The following SYNPR variants were observed in gnomAD, a reference collection of about 807,000 sequenced individuals.
SYNPR encodes synaptoporin.
A neutral mutation model predicts 32.9 loss-of-function variants in SYNPR; 23 were observed. The observed-to-expected ratio is 0.70, with a 90% CI of 0.50 to 0.99. SYNPR has a LOEUF of 0.99. SYNPR is among the 50% of genes least tolerant of loss of function. SYNPR has a pLI of 0.00. For synonymous variants in SYNPR, 146 were observed against 135.9 expected, an observed-to-expected ratio of 1.07 and a Z score of -0.52; for missense variants, 318 against 349.3, an observed-to-expected ratio of 0.91 and a Z score of 0.71.
At chr3:63,313,617 C>T (rs1469486643) in intron 2 of SYNPR, among the ~76,000 whole-genome samples, 1 of 139,868 alleles carries the variant, frequency 7.1e-6, no homozygotes, top group Non-Finnish European at 1.5e-5. Context: ...TGTATACACA[C>T]ACATATACAC....
At chr3:63,553,450 A>G (rs1481014973) in intron 3 of SYNPR, among the ~76,000 whole-genome samples, 2 of 152,186 alleles carry the variant, frequency 1.3e-5, no homozygotes, top group Non-Finnish European at 2.9e-5. Context: ...CTTTGGGTAT[A>G]TACCCAGTAC....
At chr3:63,331,742 T>A (rs1222558083) in intron 2 of SYNPR, among the ~76,000 whole-genome samples, 1 of 152,182 alleles carries the variant, frequency 6.6e-6, no homozygotes, top group African/African-American at 2.4e-5. Context: ...CCACTTTCTT[T>A]ATGAGGAAAT....
At chr3:63,498,892 T>C (rs1458516003) in intron 3 of SYNPR, among the ~76,000 whole-genome samples, 1 of 147,928 alleles carries the variant, frequency 6.8e-6, no homozygotes, top group Non-Finnish European at 1.5e-5. Flanking sequence ...AGCAGGAGGA[T>C]CGCTTGTGCC....
chr3:63,306,444 G>A (rs2086911740), intron 2 of SYNPR, among the ~76,000 whole-genome samples: 1 of 151,730 alleles, frequency 6.6e-6, no homozygotes, highest in Non-Finnish European at 1.5e-5. Context: ...CTTCTTTTCT[G>A]ACAGCTCTTT....
At chr3:63,604,512 C>T (rs528407958) in intron 4 of SYNPR, among the ~76,000 whole-genome samples, 39 of 152,140 alleles carry the variant, frequency 2.6e-4, no homozygotes, top group Admixed American at 1.8e-3. Flanking sequence ...ACACTGCTTT[C>T]GCTGTGTCCC....
chr3:63,350,547 C>A (rs982705309), intron 2 of SYNPR, among the ~76,000 whole-genome samples: 2 of 152,178 alleles, frequency 1.3e-5, no homozygotes, highest in Non-Finnish European at 2.9e-5. Context: ...TGCATATGCA[C>A]ACATGCACTT....
At chr3:63,573,818 A>G (rs1285258149) in intron 4 of SYNPR, among the ~76,000 whole-genome samples, 1 of 152,204 alleles carries the variant, frequency 6.6e-6, no homozygotes, top group Non-Finnish European at 1.5e-5. Context: ...CATCATTTAC[A>G]TAAATACAAA....
intron 3 of SYNPR, chr3:63,550,079 A>G (rs1351989739): frequency 6.6e-6 from 1 of 152,108 alleles, no homozygotes; most frequent in Non-Finnish European, 1.5e-5. Flanking sequence ...CTGTTTAGAA[A>G]GGTTTTTCCT....
chr3:63,362,368 G>A (rs1467968816), intron 2 of SYNPR, among the ~76,000 whole-genome samples: 2 of 152,154 alleles, frequency 1.3e-5, no homozygotes, highest in African/African-American at 4.8e-5. Flanking sequence ...CAAACAGGAA[G>A]TTTTAACTGT....
At chr3:63,537,645 T>A (rs11915145) in intron 3 of SYNPR, among the ~76,000 whole-genome samples, 1 of 151,852 alleles carries the variant, frequency 6.6e-6, no homozygotes, top group African/African-American at 2.4e-5. Flanking sequence ...CAAAATAATA[T>A]CTTCTGGTGG....
chr3:63,377,350 T>A (rs2087908087), intron 2 of SYNPR, among the ~76,000 whole-genome samples: 3 of 152,148 alleles, frequency 2.0e-5, no homozygotes, highest in African/African-American at 7.2e-5. Flanking sequence ...GTTCTAGGTT[T>A]AAGAGGTACT....
At position 63,419,928 on chromosome 3, in the gene SYNPR, C is replaced by T. The variant is rs966307982; in HGVS notation, c.85-60904C>T. On this transcript the variant is annotated intron_variant, in intron 2 of 5. Transcript: ENST00000478300. ...TATTTGGTGAAGATTCCAGTTTTTTCACATTATAACTTTCATAGGGAAATA... is the reference window on the plus strand; with the variant it reads ...TATTTGGTGAAGATTCCAGTTTTTTTACATTATAACTTTCATAGGGAAATA... Among the ~76,000 whole-genome samples, 3 of 152,134 alleles carry T rather than the reference C, an allele frequency of 2.0e-5. No individual in the cohort carries two copies. In the East Asian group the frequency reaches 5.8e-4, roughly 29 times the overall value.
intron 2 of SYNPR, among the ~76,000 whole-genome samples, chr3:63,423,061 T>C (rs1180446602): frequency 6.6e-6 from 1 of 152,168 alleles, no homozygotes; most frequent in African/African-American, 2.4e-5. Flanking sequence ...ATAACATCTA[T>C]GGAATAAAAG....
chr3:63,506,080 C>CCCTTCCTTCCTTCCTT (rs113121978), intron 3 of SYNPR, among the ~76,000 whole-genome samples: 23 of 150,256 alleles, frequency 1.5e-4, no homozygotes, highest in African/African-American at 4.9e-4. Flanking sequence ...AGATGCTCCT[C>CCCTTCCTTCCTTCCTT]CCTTCCTTCC....
chr3:63,494,857 T>C (rs138953461), intron 3 of SYNPR, among the ~76,000 whole-genome samples: 6 of 152,256 alleles, frequency 3.9e-5, no homozygotes, highest in African/African-American at 1.2e-4. Context: ...AATGATGCCC[T>C]TGAGTTGACA....
intron 1 of SYNPR, among the ~76,000 whole-genome samples, chr3:63,244,728 A>G (rs1233158253): frequency 3.3e-5 from 5 of 152,112 alleles, no homozygotes; most frequent in Non-Finnish European, 5.9e-5. Context: ...CAATCTATTG[A>G]GCTTTTTGGA....
chr3:63,270,860 T>TTTCCTTCCTTCC (rs3082060), intron 3 of SYNPR, among the ~76,000 whole-genome samples: 16 of 84,250 alleles, frequency 1.9e-4, no homozygotes, highest in African/African-American at 4.1e-4. Context: ...CTCTCCCTTC[T>TTTCCTTCCTTCC]TTCCTTCCTT....
intron 4 of SYNPR, among the ~76,000 whole-genome samples, chr3:63,568,216 G>A (rs1487640061): frequency 1.3e-5 from 2 of 152,110 alleles, no homozygotes; most frequent in Non-Finnish European, 1.5e-5. Context: ...ATACCATTAA[G>A]GCACTTATTG....
At chr3:63,410,208 G>C (rs1315122208) in intron 2 of SYNPR, among the ~76,000 whole-genome samples, 1 of 152,114 alleles carries the variant, frequency 6.6e-6, no homozygotes, top group Admixed American at 6.6e-5. Flanking sequence ...TGTGGACTAG[G>C]TACTGCAAAA....
Sources: gnomAD v4.1 joint callset for allele counts (sites outside exome capture counted in the v4.1 genomes callset) on GRCh38, gnomAD v4.1.1 for gene constraint, MANE v1.5 for transcripts, NCBI Gene and HGNC (gene_info 2026-07-23, HGNC 2026-07-21) for gene names.